Variants in JCAD observed in about 807,000 individuals in gnomAD.
JCAD encodes the protein junctional cadherin 5-associated protein.
A neutral mutation model predicts 98.0 loss-of-function variants in JCAD; 40 were observed. The observed-to-expected ratio is 0.41, with a 90% confidence interval of 0.32 to 0.53. JCAD has a LOEUF of 0.53. JCAD is among the 20% of genes least tolerant of loss of function. The probability of loss-of-function intolerance (pLI) is 0.31; values close to 1 mark genes in which losing one functional copy is unlikely to be tolerated. For missense variants in JCAD, 1,705 were observed against 1,738.1 expected (o/e 0.98, Z 0.34); for synonymous variants, 691 against 682.3 (o/e 1.01, Z -0.20).
intron 1 of JCAD, among the ~76,000 whole-genome samples, chr10:30,049,595 A>G (rs112575478): frequency 6.6e-6 from 1 of 152,184 alleles, no homozygotes; most frequent in Admixed American, 6.5e-5. Context: ...AAAAATCTCC[A>G]TAGCAACTCT....
chr10:30,070,844 T>G (rs1837872291), intron 1 of JCAD, among the ~76,000 whole-genome samples: 1 of 152,208 alleles, frequency 6.6e-6, no homozygotes, highest in African/African-American at 2.4e-5. Flanking sequence ...CATCTAAATA[T>G]GGAGTTATGG....
intron 1 of JCAD, among the ~76,000 whole-genome samples, chr10:30,070,407 A>G (rs1358763093): frequency 6.6e-6 from 1 of 152,210 alleles, no homozygotes; most frequent in Non-Finnish European, 1.5e-5. Flanking sequence ...CCATCCCTCG[A>G]GGCTCTATCC....
rs1034655006 is a variant in JCAD, at chr10:30,013,756, T to C, written c.*4127A>G. ...AACGGCCAGACAATCTGGGCTTGCC[T>C]TTGGGTTTAAGTTTCAGTCACTAAA... On this transcript the variant is annotated 3_prime_UTR_variant, in exon 4 of 4. Transcript: ENST00000375377. 2 of 152,216 alleles carry C rather than the reference T, an allele frequency of 1.3e-5. No individual in the cohort carries two copies. Among genetic ancestry groups the C allele is most frequent in the Non-Finnish European group, 2.9e-5 (2 of 68,070 alleles). 9.4% of individuals were successfully genotyped at this position (152,216 alleles called of 1,614,324 possible).
In JCAD at chr10:30,057,152, T is replaced by C. The variant is rs1589698252; in HGVS notation, c.-60+2330A>G. Among the ~76,000 whole-genome samples, 4 of 152,354 alleles carry C rather than the reference T, an allele frequency of 2.6e-5. No individual in the cohort carries two copies. In the South Asian group the frequency reaches 8.3e-4, roughly 32 times the overall value. ...GAACAATTGTTTCACTCCAACGCTC[T>C]GTGTTCTAAACGCTCTCCAGATTAA... On this transcript the variant is annotated intron_variant, in intron 1 of 3. Coordinates refer to ENST00000375377, the MANE Select transcript of JCAD (RefSeq NM_020848.4).
chr10:30,020,326 CAAAAAAA>C (rs59762991), intron 3 of JCAD, among the ~76,000 whole-genome samples: 2,048 of 83,112 alleles, frequency 0.025, 43 homozygotes, highest in African/African-American at 0.082. Flanking sequence ...GACTCGGTCT[CAAAAAAA>C]AAAAAAAAAA....
chr10:30,093,340 G>A (rs977074412), intron 1 of JCAD, among the ~76,000 whole-genome samples: 4 of 152,194 alleles, frequency 2.6e-5, no homozygotes, highest in African/African-American at 9.6e-5. Context: ...CTCATTCTAT[G>A]ATAACTTTTG....
intron 1 of JCAD, among the ~76,000 whole-genome samples, chr10:30,056,171 T>C (rs1837567011): frequency 6.6e-6 from 1 of 152,212 alleles, no homozygotes; most frequent in African/African-American, 2.4e-5. Context: ...GGTTAGAGTT[T>C]TATTCCCTTA....
intron 1 of JCAD, among the ~76,000 whole-genome samples, chr10:30,102,417 T>C (rs1042720050): frequency 2.0e-5 from 3 of 152,134 alleles, no homozygotes; most frequent in African/African-American, 7.2e-5. Flanking sequence ...ATGATTCATC[T>C]GCCTCAGCCT....
chr10:30,086,787 C>G (rs955308024), intron 1 of JCAD, among the ~76,000 whole-genome samples: 3 of 152,202 alleles, frequency 2.0e-5, no homozygotes, highest in South Asian at 2.1e-4. Flanking sequence ...GCTCCTATAC[C>G]TTTTATAAAT....
intron 1 of JCAD, among the ~76,000 whole-genome samples, chr10:30,051,309 A>AC (rs1205792252): frequency 9.9e-6 from 1 of 101,346 alleles, no homozygotes; most frequent in African/African-American, 3.6e-5. Context: ...CACACACACA[A>AC]GAGTTGATGC....
intron 2 of JCAD, among the ~76,000 whole-genome samples, chr10:30,037,835 G>C (rs1261863238): frequency 1.3e-5 from 2 of 151,568 alleles, no homozygotes; most frequent in Non-Finnish European, 2.9e-5. Context: ...ATATCGACCT[G>C]GATGGAAGCC....
At position 30,067,396 on chromosome 10, in the gene JCAD, G is replaced by A. The variant is rs942930653; in HGVS notation, n.250+2304C>T. 5.9e-5 allele frequency among the ~76,000 whole-genome samples: 9 copies of A among 151,726 alleles called. No homozygotes were observed. In the East Asian group the frequency reaches 1.2e-3, roughly 20 times the overall value. On this transcript the variant is annotated intron_variant and non_coding_transcript_variant, in intron 2 of 2. Coordinates refer to the JCAD transcript ENST00000465712. ...GTGCAGAGTGCAGTGGCACGATCTC[G>A]GCTCACTGCAACCTCCGCCTCCCAG...
upstream of JCAD, among the ~76,000 whole-genome samples, chr10:30,060,299 A>G (rs1473855247): frequency 6.6e-6 from 1 of 152,160 alleles, no homozygotes; most frequent in African/African-American, 2.4e-5. Context: ...TGATGACAGG[A>G]GCAGGATTTG....
At position 30,028,331 on chromosome 10, in the gene JCAD, C is replaced by A; in HGVS notation, c.1817G>T (p.Ser606Ile). Reference protein sequence around the residue: ...RDMDNNDLKPSADQKNGSDKS... With the variant: ...RDMDNNDLKPIADQKNGSDKS... ...ATCAGACCCATTCTTTTGATCAGCACTGGGCTTTAAGTCATTGTTGTCCAT... is the reference window on the plus strand; with the variant it reads ...ATCAGACCCATTCTTTTGATCAGCAATGGGCTTTAAGTCATTGTTGTCCAT... Residue 606 changes from serine (S) to isoleucine (I), a missense_variant, in exon 3 of 4, where the codon AGT becomes ATT. Around this residue, in one of 3 missense-constraint regions of JCAD, gnomAD observed 1,278 missense variants for 1,243.1 expected, o/e 1.03. Transcript: ENST00000375377. 3.7e-6 allele frequency: 6 copies of A among 1,614,204 alleles called. No homozygotes were observed. The highest frequency in any genetic ancestry group is 5.1e-6 in the Non-Finnish European group (6 of 1,180,040).
At chr10:30,103,733 CT>C (rs3858238) in intron 1 of JCAD, among the ~76,000 whole-genome samples, 108 of 126,738 alleles carry the variant, frequency 8.5e-4, no homozygotes, top group Middle Eastern at 4.1e-3. Flanking sequence ...GTCAATTTTT[CT>C]TTTTTTTTTT....
intron 1 of JCAD, among the ~76,000 whole-genome samples, chr10:30,080,065 T>C (rs1475193030): frequency 1.3e-5 from 2 of 152,210 alleles, no homozygotes; most frequent in Non-Finnish European, 2.9e-5. Flanking sequence ...GTAGTTTAGA[T>C]ATTTCCTAGA....
chr10:30,106,877 G>A (rs1838593696), intron 1 of JCAD, among the ~76,000 whole-genome samples: 1 of 152,160 alleles, frequency 6.6e-6, no homozygotes. Flanking sequence ...TATCCTCCTG[G>A]CTGGGCATGC....
chr10:30,106,031 C>A (rs1356223712), intron 1 of JCAD, among the ~76,000 whole-genome samples: 1 of 152,198 alleles, frequency 6.6e-6, no homozygotes, highest in Non-Finnish European at 1.5e-5. Flanking sequence ...GATAAAATAT[C>A]TTCAAGTACT....
intron 1 of JCAD, among the ~76,000 whole-genome samples, chr10:30,097,837 T>C (rs1466311207): frequency 2.6e-5 from 4 of 151,696 alleles, no homozygotes. Flanking sequence ...AATGAAAAAG[T>C]TTGAAAAGGA....
Sources: allele counts gnomAD v4.1 joint callset (sites outside exome capture counted in the v4.1 genomes callset), GRCh38; gene constraint gnomAD v4.1.1; regional missense constraint gnomAD v4.1.1; transcripts MANE v1.5; gene names NCBI Gene and HGNC (gene_info 2026-07-23, HGNC 2026-07-21).